The following LMF1 variants were observed in gnomAD, a reference collection of about 807,000 sequenced individuals.
LMF1 encodes transmembrane protein 112.
LMF1 carries 68 observed loss-of-function variants against 60.6 expected under a neutral mutation model. The observed-to-expected ratio is 1.12, with a 90% CI of 0.92 to 1.37. LMF1 has a LOEUF of 1.37. Among genes scored for constraint, LMF1 ranks in the 40% most tolerant of loss-of-function variants. The pLI, the probability that LMF1 is intolerant of heterozygous loss-of-function variation, is 0.00. For synonymous variants in LMF1, 418 were observed against 324.7 expected (o/e 1.29, Z -3.09); for missense variants, 948 against 767.2 (o/e 1.24, Z -2.78).
intron 2 of LMF1, among the ~76,000 whole-genome samples, chr16:942,515 A>C (rs368252443): frequency 1.2e-4 from 16 of 135,900 alleles, no homozygotes; most frequent in Non-Finnish European, 2.2e-4. Context: ...AGTATGTTAG[A>C]CCACCTGGTG....
At chr16:921,361 C>A (rs1380402470) in intron 3 of LMF1, among the ~76,000 whole-genome samples, 3 of 152,238 alleles carry the variant, frequency 2.0e-5, no homozygotes, top group Non-Finnish European at 4.4e-5. Context: ...CCAAGACCTC[C>A]TGGGTGGGCA....
intron 5 of LMF1, among the ~76,000 whole-genome samples, chr16:887,671 G>T (rs577248829): frequency 6.6e-6 from 1 of 152,142 alleles, no homozygotes; most frequent in East Asian, 1.9e-4. Context: ...CGCAGAGTGC[G>T]CGCTCCTAGC....
intron 2 of LMF1, among the ~76,000 whole-genome samples, chr16:938,203 GC>G (rs1387800728): frequency 6.6e-6 from 1 of 152,206 alleles, no homozygotes; most frequent in Non-Finnish European, 1.5e-5. Context: ...AGGCCGGGAC[GC>G]TGGGTCCCGC....
At chr16:948,114 C>CGA (rs2072295231) in intron 2 of LMF1, among the ~76,000 whole-genome samples, 6 of 114,594 alleles carry the variant, frequency 5.2e-5, no homozygotes, top group South Asian at 2.9e-4. Flanking sequence ...AGTCAGCCAA[C>CGA]GACAGTCAGC....
intron 10 of LMF1, among the ~76,000 whole-genome samples, chr16:857,790 A>G (rs1168351133): frequency 7.3e-5 from 2 of 27,496 alleles, no homozygotes; most frequent in Non-Finnish European, 1.1e-4. Flanking sequence ...GTGTCTCGGG[A>G]TGGGTGTGCG....
intron 4 of LMF1, among the ~76,000 whole-genome samples, chr16:908,584 C>T (rs954495225): frequency 2.6e-5 from 4 of 152,240 alleles, no homozygotes; most frequent in Non-Finnish European, 5.9e-5. Flanking sequence ...GGGGATGGGG[C>T]AGGTCAGGCC....
rs975496359 is a variant in LMF1, at chr16:854,348, C to T, written c.*184G>A. On this transcript the variant is annotated 3_prime_UTR_variant, in exon 11 of 11. Transcript: ENST00000262301. ...GATGTGGGGCCCCAGGTGGGCAGGG[C>T]CTGGGAGCCGCCACAGTATGTGACA... 1.1e-5 allele frequency: 8 copies of T among 747,734 alleles called. No homozygotes were observed. The highest frequency in any genetic ancestry group is 1.6e-5 in the Non-Finnish European group (7 of 430,952). 46.3% of individuals were successfully genotyped at this position (747,734 alleles called of 1,614,324 possible).
At chr16:911,771 T>C (rs2071129270) in intron 3 of LMF1, among the ~76,000 whole-genome samples, 1 of 151,742 alleles carries the variant, frequency 6.6e-6, no homozygotes, top group African/African-American at 2.4e-5. Context: ...GGCCCTGTCC[T>C]TCCCAGATGG....
chr16:897,613 G>A lies in LMF1; in HGVS notation c.664-4541C>T. 6.6e-6 allele frequency among the ~76,000 whole-genome samples: 1 copy of A among 152,234 alleles called. No homozygotes were observed. Among genetic ancestry groups the A allele is most frequent in the African/African-American group, 2.4e-5 (1 of 41,460 alleles). On this transcript the variant is annotated intron_variant, in intron 4 of 10. Coordinates refer to ENST00000262301, the MANE Select transcript of LMF1 (RefSeq NM_022773.4). The surrounding 1 kb of genome is among the most constrained non-coding windows in gnomAD (Gnocchi z 4.3). ...CAGTGCCCCTGTGAGCAGCTGCAGG[G>A]GTCTCAGACTTGTTGCAACAGCCAC...
chr16:972,288 T>C (rs1469689617), upstream of LMF1, among the ~76,000 whole-genome samples: 1 of 152,214 alleles, frequency 6.6e-6, no homozygotes, highest in Non-Finnish European at 1.5e-5. Context: ...AGCTGTGAAA[T>C]GGGACCCTGT....
At chr16:893,153 G>A in intron 4 of LMF1, 81 bp from the exon 5 acceptor site, 1 of 1,248,584 alleles carries the variant, frequency 8.0e-7, no homozygotes, top group South Asian at 1.3e-5. Flanking sequence ...TTCCCAGGAA[G>A]ACGAACCATC....
intron 5 of LMF1, chr16:884,301 G>A (rs2070246696): frequency 1.3e-5 from 2 of 152,078 alleles, no homozygotes; most frequent in South Asian, 2.1e-4. Context: ...ATCGAATATT[G>A]CTTAAAACTC....
At chr16:870,605 G>C (rs562029525) in intron 8 of LMF1, 124 bp downstream of exon 8, 6 of 1,131,596 alleles carry the variant, frequency 5.3e-6, no homozygotes, top group South Asian at 4.1e-5. Flanking sequence ...GGGTCAGGCT[G>C]GGGTGGGGCA....
intron 6 of LMF1, among the ~76,000 whole-genome samples, chr16:875,158 C>T (rs113492615): frequency 0.01 from 1,538 of 152,186 alleles, 29 homozygotes; most frequent in African/African-American, 0.034. Flanking sequence ...GCTGCCTGTG[C>T]CGGGTCTTTG....
intron 6 of LMF1, among the ~76,000 whole-genome samples, chr16:876,401 C>T (rs1238614125): frequency 1.3e-5 from 2 of 152,312 alleles, no homozygotes; most frequent in East Asian, 3.9e-4. Context: ...GTGTCGTCGT[C>T]CGTTTGTCGG....
chr16:859,309 C>T (rs1417992055), intron 10 of LMF1, among the ~76,000 whole-genome samples: 6 of 14,568 alleles, frequency 4.1e-4, no homozygotes, highest in Non-Finnish European at 5.6e-4. Context: ...TGTCTCGGGA[C>T]GGGTGTGCAG....
chr16:971,015 ATT>A (rs1567343163), upstream of LMF1: 37 of 609,132 alleles, frequency 6.1e-5, no homozygotes, highest in Admixed American at 6.8e-4. Context: ...GGCCCCGCCC[ATT>A]CTCGGAGGCC....
chr16:977,025 C>CTGGGCTGCAGGCAGACG (rs2073168206), intron 1 of LMF1: 2 of 454,104 alleles, frequency 4.4e-6, no homozygotes, highest in South Asian at 1.6e-5. Context: ...AGGAGGACGT[C>CTGGGCTGCAGGCAGACG]TGGGCTGCAG....
At chr16:930,972 T>A (rs1389700356) in intron 3 of LMF1, among the ~76,000 whole-genome samples, 3 of 151,712 alleles carry the variant, frequency 2.0e-5, no homozygotes, top group African/African-American at 7.3e-5. Flanking sequence ...AATACAAAAA[T>A]TAGCCGGGCG....
Sources: gnomAD v4.1 joint callset for allele counts (sites outside exome capture counted in the v4.1 genomes callset) on GRCh38, gnomAD v4.1.1 for gene constraint, Gnocchi (gnomAD v3.1) non-coding constraint, MANE v1.5 for transcripts, NCBI Gene and HGNC (gene_info 2026-07-23, HGNC 2026-07-21) for gene names.